The following NRXN3 variants were observed in gnomAD, a reference collection of about 807,000 sequenced individuals.
NRXN3 encodes the protein neurexin III.
NRXN3 carries 32 observed loss-of-function variants against 137.6 expected under a neutral mutation model. The observed-to-expected ratio is 0.23, with a 90% CI of 0.18 to 0.31. NRXN3 has a LOEUF of 0.31. Among genes scored for constraint, NRXN3 ranks in the 10% least tolerant of loss-of-function variants. The probability of loss-of-function intolerance (pLI) is 1.00; values close to 1 mark genes in which losing one functional copy is unlikely to be tolerated. For missense variants in NRXN3, 1,574 were observed against 2,062.5 expected, an observed-to-expected ratio of 0.76 and a Z score of 4.59; for synonymous variants, 798 against 784.5, an observed-to-expected ratio of 1.02 and a Z score of -0.29.
chr14:78,481,976 A>G (rs189114871), intron 4 of NRXN3, among the ~76,000 whole-genome samples: 1 of 152,324 alleles, frequency 6.6e-6, no homozygotes, highest in East Asian at 1.9e-4. Context: ...ATATCCATGT[A>G]GATAAGATGA....
intron 15 of NRXN3, among the ~76,000 whole-genome samples, chr14:79,086,244 G>A (rs1199021556): frequency 6.6e-6 from 1 of 152,126 alleles, no homozygotes; most frequent in Non-Finnish European, 1.5e-5. Context: ...AGGATAGGGA[G>A]CTGGGGACTC....
intron 19 of NRXN3, among the ~76,000 whole-genome samples, chr14:79,737,578 A>T (rs954230206): frequency 1.3e-5 from 2 of 152,150 alleles, no homozygotes; most frequent in Non-Finnish European, 2.9e-5. Context: ...ACAGTTTTCT[A>T]ATTGCTGCCA....
At chr14:79,067,110 T>C (rs1307999345) in intron 15 of NRXN3, among the ~76,000 whole-genome samples, 1 of 152,060 alleles carries the variant, frequency 6.6e-6, no homozygotes, top group South Asian at 2.1e-4. Context: ...GTTTGTCATA[T>C]ATGACTCTTA....
chr14:79,789,904 T>C lies in NRXN3; in HGVS notation c.4015-15208T>C, dbSNP rs531434635. 2.0e-5 allele frequency among the ~76,000 whole-genome samples: 3 copies of C among 152,130 alleles called. No individual in the cohort carries two copies. The East Asian group carries it at 5.8e-4, about 29-fold the overall frequency. On this transcript the variant is annotated intron_variant, in intron 19 of 20. Coordinates refer to ENST00000335750, the MANE Select transcript of NRXN3 (RefSeq NM_001330195.2). ...TACCCAGCTCCTATTCAAGATGGAG[T>C]TGCTCTGGTTCAAGCACCTCTGACA...
At chr14:78,843,529 C>G (rs145522145) in intron 10 of NRXN3, among the ~76,000 whole-genome samples, 2 of 151,998 alleles carry the variant, frequency 1.3e-5, no homozygotes, top group Non-Finnish European at 2.9e-5. Flanking sequence ...ATCTTTTAGG[C>G]GAAATTCACC....
At chr14:78,671,510 G>A (rs1351639532) in intron 6 of NRXN3, among the ~76,000 whole-genome samples, 1 of 152,014 alleles carries the variant, frequency 6.6e-6, no homozygotes, top group Admixed American at 6.6e-5. Context: ...CCAAACATCA[G>A]CATCACACAA....
At chr14:78,281,386 A>G (rs529703786) in intron 3 of NRXN3, among the ~76,000 whole-genome samples, 4 of 152,356 alleles carry the variant, frequency 2.6e-5, no homozygotes, top group South Asian at 2.1e-4. Flanking sequence ...CTGGAAGACT[A>G]TAAAGGGATG....
At chr14:78,863,646 T>G (rs1018965324) in intron 10 of NRXN3, among the ~76,000 whole-genome samples, 1 of 152,140 alleles carries the variant, frequency 6.6e-6, no homozygotes, top group Non-Finnish European at 1.5e-5. Context: ...AGCAATGAGA[T>G]CATTGATTTG....
intron 15 of NRXN3, among the ~76,000 whole-genome samples, chr14:79,274,806 C>T (rs2080019743): frequency 6.6e-6 from 1 of 152,090 alleles, no homozygotes; most frequent in South Asian, 2.1e-4. Flanking sequence ...TTTTTTCCAA[C>T]ATCCAAACTC....
chr14:78,349,114 T>G (rs1420635070), intron 4 of NRXN3, among the ~76,000 whole-genome samples: 3 of 152,202 alleles, frequency 2.0e-5, no homozygotes, highest in Admixed American at 6.5e-5. Flanking sequence ...CTAATATTGA[T>G]TCTCATTATT....
chr14:79,801,176 A>G (rs1243984569), intron 19 of NRXN3, among the ~76,000 whole-genome samples: 1 of 152,240 alleles, frequency 6.6e-6, no homozygotes, highest in African/African-American at 2.4e-5. Flanking sequence ...TCTGAAAGAC[A>G]CAAAGGAAGG....
intron 19 of NRXN3, among the ~76,000 whole-genome samples, chr14:79,739,602 C>CCACTG (rs564398668): frequency 4.3e-5 from 6 of 139,252 alleles, no homozygotes; most frequent in African/African-American, 1.1e-4. Context: ...TGAGATCATG[C>CCACTG]CACTGCACTG....
chr14:78,675,066 C>T lies in NRXN3; in HGVS notation c.1221+23740C>T, dbSNP rs1310559865. On this transcript the variant is annotated intron_variant, in intron 6 of 20. Coordinates refer to ENST00000335750, the MANE Select transcript of NRXN3 (RefSeq NM_001330195.2). ...TGGCAGCTAAGTAGGTGGCACCAGACTCTGAAGAAGCACTTAGTCATTGTC... is the reference window on the plus strand; with the variant it reads ...TGGCAGCTAAGTAGGTGGCACCAGATTCTGAAGAAGCACTTAGTCATTGTC... Among the ~76,000 whole-genome samples, 3 of 152,224 alleles carry T rather than the reference C, an allele frequency of 2.0e-5. No homozygotes were observed. The East Asian group carries it at 5.8e-4, about 29-fold the overall frequency.
At chr14:79,601,013 T>C (rs1015333106) in intron 16 of NRXN3, among the ~76,000 whole-genome samples, 3 of 151,236 alleles carry the variant, frequency 2.0e-5, no homozygotes, top group African/African-American at 7.3e-5. Context: ...TCATCAGGGA[T>C]TAGATTCTTG....
intron 15 of NRXN3, among the ~76,000 whole-genome samples, chr14:79,014,068 A>T (rs892776286): frequency 6.6e-6 from 1 of 152,188 alleles, no homozygotes; most frequent in African/African-American, 2.4e-5. Context: ...CCTGAGAAGT[A>T]AAAAACCTCT....
intron 15 of NRXN3, chr14:79,280,292 A>C: frequency 6.2e-7 from 1 of 1,613,980 alleles, no homozygotes; most frequent in Non-Finnish European, 8.5e-7. Context: ...TGCGTTGACC[A>C]TGCACCTGAG....
intron 15 of NRXN3, among the ~76,000 whole-genome samples, chr14:79,266,287 A>C (rs1050759101): frequency 1.3e-5 from 2 of 152,164 alleles, no homozygotes; most frequent in African/African-American, 4.8e-5. Context: ...AACCTGGTTT[A>C]AAGAAACAAA....
At chr14:79,354,954 A>G (rs1430234425) in intron 15 of NRXN3, among the ~76,000 whole-genome samples, 2 of 152,164 alleles carry the variant, frequency 1.3e-5, no homozygotes, top group African/African-American at 4.8e-5. Flanking sequence ...TGTCCGAGGT[A>G]TAGATAATTG....
At chr14:79,352,872 T>C (rs778520103) in intron 15 of NRXN3, among the ~76,000 whole-genome samples, 3 of 152,112 alleles carry the variant, frequency 2.0e-5, no homozygotes, top group African/African-American at 4.8e-5. Flanking sequence ...ATTCAGACAA[T>C]TTGATTTCAG....
Sources: allele counts gnomAD v4.1 joint callset (sites outside exome capture counted in the v4.1 genomes callset), GRCh38; gene constraint gnomAD v4.1.1; transcripts MANE v1.5; gene names NCBI Gene and HGNC (gene_info 2026-07-23, HGNC 2026-07-21).